The following RBFOX1 variants were observed in gnomAD, a reference collection of about 807,000 sequenced individuals.
RBFOX1 encodes RNA binding protein fox-1 homolog 1.
A neutral mutation model predicts 57.7 loss-of-function variants in RBFOX1; 8 were observed. The observed-to-expected ratio is 0.14, with a 90% CI of 0.08 to 0.25. The LOEUF (loss-of-function observed/expected upper bound fraction) is 0.25, where lower values mean the gene tolerates loss of function less well. RBFOX1 is among the 10% of genes least tolerant of loss of function. RBFOX1 has a pLI of 1.00. For synonymous variants in RBFOX1, 326 were observed against 222.4 expected (o/e 1.47, Z -4.15); for missense variants, 611 against 548.5 (o/e 1.11, Z -1.14).
At chr16:7,081,289 C>T (rs1429725352) in intron 4 of RBFOX1, among the ~76,000 whole-genome samples, 1 of 152,204 alleles carries the variant, frequency 6.6e-6, no homozygotes, top group Non-Finnish European at 1.5e-5. Flanking sequence ...CCAGCCTTGG[C>T]CTCCCAAAGT....
chr16:7,250,596 C>A (rs531121947), intron 4 of RBFOX1, among the ~76,000 whole-genome samples: 1 of 152,178 alleles, frequency 6.6e-6, no homozygotes, highest in Non-Finnish European at 1.5e-5. Context: ...ACCCCAGGGA[C>A]GGGGATCATA....
chr16:6,071,628 T>C (rs1443082851), intron 1 of RBFOX1, among the ~76,000 whole-genome samples: 1 of 152,198 alleles, frequency 6.6e-6, no homozygotes, highest in Non-Finnish European at 1.5e-5. Flanking sequence ...GATTAACACA[T>C]TTTAAGGGCA....
intron 1 of RBFOX1, among the ~76,000 whole-genome samples, chr16:6,277,665 CAAAAA>C (rs60150908): frequency 8.4e-5 from 10 of 119,058 alleles, no homozygotes; most frequent in Admixed American, 8.6e-5. Context: ...GACCTTGTCT[CAAAAA>C]AAAAAAAAAA....
At chr16:7,583,991 T>TA (rs1428801771) in intron 6 of RBFOX1, among the ~76,000 whole-genome samples, 26 of 152,198 alleles carry the variant, frequency 1.7e-4, no homozygotes, top group African/African-American at 6.3e-4. Flanking sequence ...TGCCTGTACT[T>TA]ATGACGTTAA....
chr16:5,591,336 C>T (rs537949772), intron 2 of RBFOX1, among the ~76,000 whole-genome samples: 3 of 151,346 alleles, frequency 2.0e-5, no homozygotes, highest in East Asian at 1.9e-4. Context: ...ACTGCAACAT[C>T]TGCCTCCTGG....
At chr16:7,249,359 A>G (rs549675563) in intron 4 of RBFOX1, among the ~76,000 whole-genome samples, 333 of 152,262 alleles carry the variant, frequency 2.2e-3, no homozygotes, top group Non-Finnish European at 4.0e-3. Flanking sequence ...GACAATAAGA[A>G]CAAAATCTAC....
In RBFOX1 at chr16:7,059,031, C is replaced by T. The variant is rs112374712; in HGVS notation, c.27+6933C>T. On this transcript the variant is annotated intron_variant, in intron 4 of 15. Coordinates refer to ENST00000550418, the MANE Select transcript of RBFOX1 (RefSeq NM_018723.4). The stretch of plus-strand genomic sequence containing the variant: ...CAATATTTAATTTGCCAGTTACAAG[C>T]GAGTTTCTCATTTCTGCTAGATATG... Among the ~76,000 whole-genome samples, 413 of 152,236 alleles carry T rather than the reference C, an allele frequency of 2.7e-3. 2 individuals are homozygous for T. The highest frequency in any genetic ancestry group is 9.5e-3 in the African/African-American group (396 of 41,544).
chr16:5,891,092 A>G (rs1327813383), intron 4 of RBFOX1, among the ~76,000 whole-genome samples: 1 of 152,172 alleles, frequency 6.6e-6, no homozygotes, highest in Admixed American at 6.5e-5. Context: ...GTCAACCGTA[A>G]CTGTTAGTAG....
chr16:6,184,530 G>A (rs947536570), intron 1 of RBFOX1, among the ~76,000 whole-genome samples: 1 of 152,072 alleles, frequency 6.6e-6, no homozygotes, highest in East Asian at 1.9e-4. Context: ...GTGAAAGAGA[G>A]AGAGGGGTCA....
At chr16:5,259,873 C>G (rs2062690026) in intron 1 of RBFOX1, among the ~76,000 whole-genome samples, 1 of 152,126 alleles carries the variant, frequency 6.6e-6, no homozygotes, top group Non-Finnish European at 1.5e-5. Context: ...ATTCTGACTT[C>G]TGCGGAGTGG....
rs528242323 is a variant in RBFOX1 at position 7,370,268 on chromosome 16, T to C, written c.28-147879T>C. On this transcript the variant is annotated intron_variant, in intron 4 of 15. Transcript: ENST00000550418. The stretch of plus-strand genomic sequence containing the variant: ...ATTGAGAACTACTGCTCTAAGTTAT[T>C]TTCTTGGTACCCATTAAGACAAAAT... 5.9e-5 allele frequency among the ~76,000 whole-genome samples: 9 copies of C among 152,272 alleles called. No homozygotes were observed. In the East Asian group the frequency reaches 1.4e-3, roughly 23 times the overall value.
At chr16:5,980,277 G>A (rs542028013) in intron 4 of RBFOX1, among the ~76,000 whole-genome samples, 2 of 152,336 alleles carry the variant, frequency 1.3e-5, no homozygotes, top group East Asian at 3.9e-4. Context: ...CCCTCCAGCA[G>A]GATCTTGTGA....
intron 3 of RBFOX1, among the ~76,000 whole-genome samples, chr16:6,815,517 C>T (rs891865518): frequency 2.0e-5 from 3 of 152,182 alleles, no homozygotes; most frequent in Non-Finnish European, 4.4e-5. Context: ...TAAATTGTCA[C>T]TCCAGCATCC....
intron 3 of RBFOX1, among the ~76,000 whole-genome samples, chr16:6,772,035 A>G (rs374315984): frequency 3.3e-5 from 5 of 152,158 alleles, no homozygotes; most frequent in African/African-American, 1.2e-4. Context: ...CCTGCTAAGT[A>G]TGCTCTAGGA....
intron 3 of RBFOX1, among the ~76,000 whole-genome samples, chr16:6,656,574 G>C (rs1004306857): frequency 2.7e-4 from 40 of 147,900 alleles, no homozygotes; most frequent in Non-Finnish European, 5.1e-4. Context: ...TGTGATTTCA[G>C]CTCTTCTCAA....
At chr16:7,463,270 A>T (rs1222144622) in intron 4 of RBFOX1, among the ~76,000 whole-genome samples, 1 of 152,152 alleles carries the variant, frequency 6.6e-6, no homozygotes, top group Non-Finnish European at 1.5e-5. Context: ...TTGGGAGGCC[A>T]TGGTGTGTGG....
chr16:5,683,170 G>C (rs1487828914), intron 3 of RBFOX1, among the ~76,000 whole-genome samples: 1 of 151,112 alleles, frequency 6.6e-6, no homozygotes, highest in African/African-American at 2.4e-5. Context: ...GGGGGTGGGG[G>C]CGCCAGATCC....
chr16:7,061,448 A>C (rs955715925), intron 4 of RBFOX1, among the ~76,000 whole-genome samples: 1 of 152,142 alleles, frequency 6.6e-6, no homozygotes, highest in Non-Finnish European at 1.5e-5. Flanking sequence ...AATATGATTA[A>C]ATAAAGAAGT....
intron 4 of RBFOX1, among the ~76,000 whole-genome samples, chr16:7,104,147 C>G (rs1197542114): frequency 2.6e-5 from 4 of 152,090 alleles, no homozygotes; most frequent in East Asian, 1.9e-4. Flanking sequence ...GAAATTAAGG[C>G]CAAGATAAGT....
Sources: allele counts gnomAD v4.1 joint callset (sites outside exome capture counted in the v4.1 genomes callset), GRCh38; gene constraint gnomAD v4.1.1; transcripts MANE v1.5; gene names NCBI Gene and HGNC (gene_info 2026-07-23, HGNC 2026-07-21).